Variants in GCNA observed in about 807,000 individuals in gnomAD.
GCNA encodes the protein germ cell nuclear acidic protein.
In GCNA, 3 loss-of-function variants were observed where a neutral mutation model predicts 38.8. The ratio of observed to expected loss-of-function variants is 0.08; its 90% CI spans 0.04 to 0.20. The LOEUF is 0.20. Ranked by LOEUF, GCNA falls within the 10% of genes least tolerant of loss-of-function variation. The pLI, the probability that GCNA is intolerant of heterozygous loss-of-function variation, is 1.00. For synonymous variants in GCNA, 195 were observed against 240.2 expected (o/e 0.81, Z 1.74); for missense variants, 446 against 578.6 (o/e 0.77, Z 2.35).
chrX:71,583,788 C>A (rs760809636), intron 2 of GCNA, among the ~76,000 whole-genome samples: 7 of 103,302 alleles, frequency 6.8e-5, no homozygotes, highest in African/African-American at 2.5e-4. Flanking sequence ...GCCTCTGCCT[C>A]CTGGGTTCAA....
At chrX:71,612,110 T>TA (rs765246727) in intron 11 of GCNA, among the ~76,000 whole-genome samples, 1,599 of 77,432 alleles carry the variant, frequency 0.021, 37 homozygotes, top group African/African-American at 0.069. Context: ...CCGTCTCTAC[T>TA]AAAAAAAAAA....
rs2040792226 is a variant in GCNA, at chrX:71,609,224, T to G, written c.1611+107T>G. 4 of 826,609 alleles carry G rather than the reference T, an allele frequency of 4.8e-6. No individual in the cohort carries two copies. In the East Asian group the frequency reaches 1.4e-4, roughly 28 times the overall value. 68.1% of individuals were successfully genotyped at this position (826,609 alleles called of 1,213,427 possible). A position where few individuals can be genotyped will look rare whatever the true frequency, so the allele number is the denominator to read the frequency against. On this transcript the variant is annotated intron_variant, in intron 10 of 12. Coordinates refer to ENST00000373696, the MANE Select transcript of GCNA (RefSeq NM_052957.5). ...ACTTCCTGCCCTTGAGCAGAGGCAG[T>G]TAAGGTTGGGAGATGAGCCCTGGTA...
chrX:71,590,916 C>T (rs2147715849), intron 2 of GCNA, among the ~76,000 whole-genome samples: 1 of 111,307 alleles, frequency 9.0e-6, no homozygotes, highest in South Asian at 3.8e-4. Flanking sequence ...CTCCTGACCT[C>T]AAGCAATGCA....
At chrX:71,579,179 G>A (rs1378453421) in intron 1 of GCNA, among the ~76,000 whole-genome samples, 3 of 103,623 alleles carry the variant, frequency 2.9e-5, no homozygotes, top group Non-Finnish European at 6.0e-5. Flanking sequence ...TTGCGGCACT[G>A]GGGGGAGGTG....
At chrX:71,580,257 A>C (rs1265354525) in intron 1 of GCNA, 4 of 91,667 alleles carry the variant, frequency 4.4e-5, no homozygotes, top group African/African-American at 1.6e-4. Context: ...AGGGAGTGGG[A>C]AGTGGGGGCG....
At chrX:71,599,022 G>GT (rs1249801404) in intron 7 of GCNA, among the ~76,000 whole-genome samples, 177 of 97,039 alleles carry the variant, frequency 1.8e-3, no homozygotes, top group Admixed American at 2.1e-3. Context: ...TTTTGTTGTT[G>GT]TTTTTTTTTT....
chrX:71,605,485 G>A (rs1423223133), intron 8 of GCNA, among the ~76,000 whole-genome samples, 178 bp from the exon 9 acceptor site: 1 of 112,868 alleles, frequency 8.9e-6, no homozygotes, highest in South Asian at 3.6e-4. Context: ...TGTGATTCAC[G>A]TGGGTGAGAT....
At chrX:71,586,763 C>T (rs183745602) in intron 2 of GCNA, among the ~76,000 whole-genome samples, 1 of 111,212 alleles carries the variant, frequency 9.0e-6, no homozygotes, top group African/African-American at 3.3e-5. Flanking sequence ...GCACCTGCCA[C>T]CACACCTGGC....
At chrX:71,610,117 C>T (rs1369416414) in intron 10 of GCNA, among the ~76,000 whole-genome samples, 1 of 111,244 alleles carries the variant, frequency 9.0e-6, no homozygotes, top group African/African-American at 3.3e-5. Flanking sequence ...TATCAATCTC[C>T]CTTGTGTCCT....
chrX:71,601,394 C>T (rs2040713726), intron 7 of GCNA, among the ~76,000 whole-genome samples: 1 of 111,082 alleles, frequency 9.0e-6, no homozygotes, highest in Non-Finnish European at 1.9e-5. Flanking sequence ...CTTTCTGTGC[C>T]TGGCTTATTT....
intron 7 of GCNA, 25 bp downstream of exon 7, chrX:71,598,063 T>C: frequency 2.7e-6 from 3 of 1,108,695 alleles, no homozygotes; most frequent in Non-Finnish European, 2.5e-6. Context: ...CTTTGTTAGA[T>C]AAGTAGCTGA....
chrX:71,599,022 GTTTT>G (rs1249801404), intron 7 of GCNA, among the ~76,000 whole-genome samples: 5 of 97,149 alleles, frequency 5.1e-5, no homozygotes, highest in Admixed American at 1.1e-4. Flanking sequence ...TTTTGTTGTT[GTTTT>G]TTTTTTTTTT....
At chrX:71,600,595 T>C (rs1051367584) in intron 7 of GCNA, among the ~76,000 whole-genome samples, 4 of 111,738 alleles carry the variant, frequency 3.6e-5, no homozygotes, top group Non-Finnish European at 7.5e-5. Context: ...TTGCCACGAG[T>C]TTGGTTGCTA....
chrX:71,579,622 G>A (rs2040530622), intron 1 of GCNA, among the ~76,000 whole-genome samples: 1 of 104,810 alleles, frequency 9.5e-6, no homozygotes, highest in Admixed American at 1.0e-4. Flanking sequence ...GTAGGGGTGT[G>A]TGTGTGGGGG....
intron 2 of GCNA, among the ~76,000 whole-genome samples, chrX:71,582,028 G>C (rs751291581): frequency 9.1e-6 from 1 of 109,396 alleles, no homozygotes; most frequent in East Asian, 2.8e-4. Flanking sequence ...AGCTTTGGCC[G>C]GGCACACTTT....
At position 71,592,520 on chromosome X, in the gene GCNA, C is replaced by G. The variant is rs1417406071; in HGVS notation, c.107-17C>G. On this transcript the variant is annotated splice_polypyrimidine_tract_variant and intron_variant, in intron 3 of 12. Transcript: ENST00000373696. ...CATGCTTCAGATGTTTTCTAATGCC[C>G]TCTTTCTCTGATTTAGCTGTGGCCA... 22 of 1,011,679 alleles carry G rather than the reference C, an allele frequency of 2.2e-5. No individual in the cohort carries two copies. Among genetic ancestry groups the G allele is most frequent in the Non-Finnish European group, 2.9e-5 (22 of 765,748 alleles). The allele number at this position is 1,011,679 out of a possible 1,213,427, so 83.4% of individuals were successfully genotyped here.
At chrX:71,579,996 T>C (rs867010686) in intron 1 of GCNA, among the ~76,000 whole-genome samples, 1 of 90,766 alleles carries the variant, frequency 1.1e-5, no homozygotes, top group Non-Finnish European at 2.2e-5. Flanking sequence ...TGGCGGGAGG[T>C]AAGGGGGCAG....
At position 71,600,698 on chromosome X, in the gene GCNA, GAGTAGAT is replaced by G. The variant is rs2040706447; in HGVS notation, c.310+2666_310+2672del. ...TTAAAAAATAATTTTTCATTTTTGT[GAGTAGAT>G]AGTAGGTGTATATATTTATGGGGTA... is the stretch of plus-strand genomic sequence containing the variant. On this transcript the variant is annotated intron_variant, in intron 7 of 12. Coordinates refer to ENST00000373696, the MANE Select transcript of GCNA (RefSeq NM_052957.5). Among the ~76,000 whole-genome samples the G allele has an allele frequency of 2.7e-5, 3 of 111,967 alleles. No individual in the cohort carries two copies. In the South Asian group the frequency reaches 1.1e-3, roughly 42 times the overall value.
At chrX:71,589,168 T>C (rs1253782364) in intron 2 of GCNA, among the ~76,000 whole-genome samples, 1 of 111,425 alleles carries the variant, frequency 9.0e-6, no homozygotes, top group Non-Finnish European at 1.9e-5. Context: ...TCTATAGTTT[T>C]TGAGGTTTGT....
Sources: allele counts gnomAD v4.1 joint callset (sites outside exome capture counted in the v4.1 genomes callset), GRCh38; gene constraint gnomAD v4.1.1; transcripts MANE v1.5; gene names NCBI Gene and HGNC (gene_info 2026-07-23, HGNC 2026-07-21).